Variants in SETD1B observed in about 807,000 individuals in gnomAD.
The protein encoded by SETD1B is SET domain containing 1B, histone lysine methyltransferase, also known as histone-lysine N-methyltransferase SETD1B.
SETD1B carries 7 observed loss-of-function variants against 148.0 expected under a neutral mutation model. The ratio of observed to expected loss-of-function variants is 0.05; its 90% CI spans 0.03 to 0.09. SETD1B has a LOEUF of 0.09. SETD1B is among the 10% of genes least tolerant of loss of function. The pLI is 1.00. For synonymous variants in SETD1B, 1,361 were observed against 1,186.5 expected, an observed-to-expected ratio of 1.15 and a Z score of -3.02; for missense variants, 2,155 against 2,729.9, an observed-to-expected ratio of 0.79 and a Z score of 4.69.
At chr12:121,807,271 C>T (rs757900677) in intron 4 of SETD1B, among the ~76,000 whole-genome samples, 3 of 151,980 alleles carry the variant, frequency 2.0e-5, no homozygotes, top group Non-Finnish European at 4.4e-5. Context: ...GTCCACAGTC[C>T]CTCCCACCCC....
intron 11 of SETD1B, among the ~76,000 whole-genome samples, chr12:121,820,543 A>T (rs571392930): frequency 1.5e-4 from 23 of 151,460 alleles, no homozygotes; most frequent in East Asian, 1.2e-3. Flanking sequence ...TTTTATTTTT[A>T]TTTTTTTTGA....
chr12:121,801,639 A>G (rs529626058), upstream of SETD1B: 73 of 152,728 alleles, frequency 4.8e-4, no homozygotes, highest in African/African-American at 1.3e-3. Flanking sequence ...CGTTATTGTA[A>G]AAACATATAT....
the SETD1B span, among the ~76,000 whole-genome samples, chr12:121,798,688 G>A: frequency 6.6e-6 from 1 of 152,226 alleles, no homozygotes; most frequent in African/African-American, 2.4e-5. Flanking sequence ...AGAGCTCGGT[G>A]TAGCCCTCAC....
intron 4 of SETD1B, among the ~76,000 whole-genome samples, chr12:121,807,477 G>GAAAA (rs1308405813): frequency 6.8e-6 from 1 of 147,234 alleles, no homozygotes; most frequent in Non-Finnish European, 1.5e-5. Context: ...GAAAAGAAAA[G>GAAAA]AAAAAAAACA....
At chr12:121,828,888 C>T (rs551774322) in intron 16 of SETD1B, among the ~76,000 whole-genome samples, 1 of 152,366 alleles carries the variant, frequency 6.6e-6, no homozygotes, top group South Asian at 2.1e-4. Flanking sequence ...TCCTCAGCGC[C>T]TGCTGGCTCT....
chr12:121,815,071 C>G (rs185892460), intron 7 of SETD1B, 141 bp downstream of exon 7: 1 of 797,864 alleles, frequency 1.3e-6, no homozygotes, highest in East Asian at 2.7e-5. Flanking sequence ...CATGTGGCCA[C>G]TTTCAAAGTT....
intron 11 of SETD1B, 63 bp from the exon 12 acceptor site, chr12:121,822,427 T>G (rs959947435): frequency 5.4e-6 from 8 of 1,473,262 alleles, no homozygotes; most frequent in Non-Finnish European, 7.2e-6. Context: ...GAGCACAAAA[T>G]AAGGCACTGA....
Position 121,823,263 on chromosome 12 carries a change from C to G in SETD1B, c.4684C>G (p.Pro1562Ala), listed in dbSNP as rs941225968. 3 of 1,550,036 alleles carry G rather than the reference C, an allele frequency of 1.9e-6. No homozygotes were observed. Among genetic ancestry groups the G allele is most frequent in the Non-Finnish European group, 2.6e-6 (3 of 1,146,912 alleles). The part of the protein sequence containing the change: ...LPGQPQTPVF[P>A]STHDPRTVTL... ...GGGCCAGCCACAGACCCCCGTCTTC[C>G]CCAGCACCCATGACCCCCGGACGGT... Residue 1562 changes from proline to alanine, a missense_variant, in exon 12 of 17, where the codon CCC (proline) becomes GCC (alanine). This residue lies in a region of SETD1B where 862 missense variants were observed against 873.8 expected (regional missense o/e 0.99). Coordinates refer to ENST00000604567, the MANE Select transcript of SETD1B (RefSeq NM_001353345.2).
Position 121,810,379 on chromosome 12 carries a change from C to A in SETD1B, c.1434C>A (p.Asp478Glu). ...PTFGWSPEPC[D>E]SPGTPTLESS... ...TCGGCTGGAGTCCTGAGCCCTGTGA[C>A]AGCCCTGGCACGCCCACGCTGGAGT... The change falls in exon 6 of 17, where the codon GAC becomes GAA. Residue 478 changes from aspartate (D) to glutamate (E), a missense_variant. Around this residue, in one of 11 missense-constraint regions of SETD1B, gnomAD observed 376 missense variants for 385.0 expected, o/e 0.98. Coordinates refer to ENST00000604567, the MANE Select transcript of SETD1B (RefSeq NM_001353345.2). The surrounding 1 kb of genome is among the most constrained non-coding windows in gnomAD (Gnocchi z 7.6). 6.5e-7 allele frequency: 1 copy of A among 1,548,354 alleles called. No homozygotes were observed. The highest frequency in any genetic ancestry group is 2.4e-5 in the East Asian group (1 of 40,912).
In SETD1B at chr12:121,810,326, A is replaced by G; in HGVS notation, c.1381A>G (p.Ser461Gly). 1.3e-6 allele frequency: 2 copies of G among 1,544,760 alleles called. No homozygotes were observed. The highest frequency in any genetic ancestry group is 1.7e-6 in the Non-Finnish European group (2 of 1,146,458). The change falls in exon 6 of 17, where the codon AGC (serine) becomes GGC (glycine). Residue 461 changes from serine to glycine, a missense_variant. Physicochemically the swap from Ser to Gly is moderately conservative, Grantham distance 56. Transcript: ENST00000604567. This position sits in a 1 kb window ranked among gnomAD's most constrained non-coding sequence, Gnocchi z 7.6. ...CGGCCCGCCGCCCCCCGACACCAAC[A>G]GCATGGAGCTGGGCGGCCGGCCCAC... ...PPGPPPPDTN[S>G]MELGGRPTFG...
chr12:121,817,076 A>G lies in SETD1B; in HGVS notation c.2759A>G (p.Asp920Gly), dbSNP rs1157787108. The change falls in exon 8 of 17, where the codon GAC becomes GGC. Residue 920 changes from aspartate (D) to glycine (G), a missense_variant. Transcript: ENST00000604567. This position sits in a 1 kb window ranked among gnomAD's most constrained non-coding sequence, Gnocchi z 8.1. Reference sequence around the variant, plus strand: ...AAGTCGGGCGAGCACAAGGACGAGGACAGGCCGAAGCCCAAGGACCGCATC... The same window carrying G: ...AAGTCGGGCGAGCACAAGGACGAGGGCAGGCCGAAGCCCAAGGACCGCATC... Reference protein sequence around the residue: ...PVKSGEHKDEDRPKPKDRIAS... With the variant: ...PVKSGEHKDEGRPKPKDRIAS... 6.5e-7 allele frequency: 1 copy of G among 1,546,344 alleles called. No individual in the cohort carries two copies. Among genetic ancestry groups the G allele is most frequent in the South Asian group, 1.2e-5 (1 of 83,910 alleles).
chr12:121,814,122 G>A lies in SETD1B; in HGVS notation c.1907G>A (p.Gly636Asp). The change falls in exon 7 of 17, where the codon GGC becomes GAC. Residue 636 changes from glycine (G) to aspartate (D), a missense_variant. Gly to Asp is a moderately conservative substitution (Grantham distance 94). Coordinates refer to ENST00000604567, the MANE Select transcript of SETD1B (RefSeq NM_001353345.2). ...TCTCTGCAGGGCCAGCAGTCCTCAG[G>A]CGAGGACATGGAGATCTCGGATGAC... ...EKMDEGQQSS[G>D]EDMEISDDEM... The A allele has an allele frequency of 6.5e-7, 1 of 1,548,592 alleles. No homozygotes were observed. Among genetic ancestry groups the A allele is most frequent in the Non-Finnish European group, 8.7e-7 (1 of 1,146,506 alleles).
At position 121,805,373 on chromosome 12, in the gene SETD1B, C is replaced by T. The variant is rs990212406; in HGVS notation, c.273+157C>T. 6.6e-6 allele frequency among the ~76,000 whole-genome samples: 1 copy of T among 152,048 alleles called. No individual in the cohort carries two copies. The highest frequency in any genetic ancestry group is 2.4e-5 in the African/African-American group (1 of 41,398). ...GGGTAGAGCGCTGGCGAGAGGGTGT[C>T]CCCTCTCAGCTACTGAAAACAAAAT... is the stretch of plus-strand genomic sequence containing the variant. On this transcript the variant is annotated intron_variant, in intron 3 of 16. Coordinates refer to ENST00000604567, the MANE Select transcript of SETD1B (RefSeq NM_001353345.2). The surrounding 1 kb of genome is among the most constrained non-coding windows in gnomAD (Gnocchi z 4.2).
chr12:121,802,250 G>C (rs1198885593), upstream of SETD1B: 1 of 152,232 alleles, frequency 6.6e-6, no homozygotes, highest in African/African-American at 2.4e-5. Flanking sequence ...TTAGACAAGA[G>C]AGACAAAGAC....
rs567553285 is a variant in SETD1B at position 121,812,645 on chromosome 12, C to G, written c.1891-1461C>G. Among the ~76,000 whole-genome samples, 11 of 152,082 alleles carry G rather than the reference C, an allele frequency of 7.2e-5. No homozygotes were observed. The South Asian group carries it at 2.3e-3, about 32-fold the overall frequency. On this transcript the variant is annotated intron_variant, in intron 6 of 16. Coordinates refer to ENST00000604567, the MANE Select transcript of SETD1B (RefSeq NM_001353345.2). ...CGGGTTAACCCTCTGTGTGCCGCGG[C>G]GCGCTGTGCTCGGCTCTGTCCAGGA... is the stretch of plus-strand genomic sequence containing the variant.
At chr12:121,815,122 C>T (rs911785604) in intron 7 of SETD1B, among the ~76,000 whole-genome samples, 192 bp downstream of exon 7, 8 of 152,128 alleles carry the variant, frequency 5.3e-5, no homozygotes, top group African/African-American at 1.2e-4. Flanking sequence ...TAGATGCACA[C>T]GGCTCTTTGA....
At chr12:121,821,405 C>T (rs913549883) in intron 11 of SETD1B, among the ~76,000 whole-genome samples, 9 of 150,362 alleles carry the variant, frequency 6.0e-5, no homozygotes, top group African/African-American at 2.2e-4. Flanking sequence ...CCACACTGCA[C>T]TCCAGCCTGG....
chr12:121,826,375 G>A (rs926713358), intron 13 of SETD1B, among the ~76,000 whole-genome samples: 30 of 152,194 alleles, frequency 2.0e-4, no homozygotes, highest in Admixed American at 1.1e-3. Context: ...GTGGGAAGGC[G>A]CCATGTGGAT....
the SETD1B span, chr12:121,797,375 G>A: frequency 2.3e-6 from 1 of 444,078 alleles, no homozygotes; most frequent in Non-Finnish European, 4.6e-6. Context: ...CCCCGCGTTC[G>A]CTGGGTGACC....
Sources: gnomAD v4.1 joint callset for allele counts (sites outside exome capture counted in the v4.1 genomes callset) on GRCh38, gnomAD v4.1.1 for gene constraint, gnomAD v4.1.1 regional missense constraint, Gnocchi (gnomAD v3.1) non-coding constraint, MANE v1.5 for transcripts, NCBI Gene and HGNC (gene_info 2026-07-23, HGNC 2026-07-21) for gene names.